Variants in NFATC3 observed in about 807,000 individuals in gnomAD.
NFATC3 encodes the protein nuclear factor of activated T-cells, cytoplasmic 3.
Under a neutral mutation model 98.6 loss-of-function variants are expected in NFATC3, and 46 were observed. That is an observed-to-expected ratio of 0.47 (90% CI 0.37 to 0.60). The LOEUF (loss-of-function observed/expected upper bound fraction) is 0.60. Ranked by LOEUF, NFATC3 falls within the 20% of genes least tolerant of loss-of-function variation. The pLI is 0.00. For missense variants in NFATC3, 1,256 were observed against 1,295.5 expected, an observed-to-expected ratio of 0.97 and a Z score of 0.47; for synonymous variants, 512 against 472.2, an observed-to-expected ratio of 1.08 and a Z score of -1.09.
At position 68,122,909 on chromosome 16, in the gene NFATC3, A is replaced by G. The variant is rs2036630699; in HGVS notation, c.1026A>G (p.Lys342=). ...VETDIPLKTR[K]TSEDQAAILP... ...CTGACATCCCTCTCAAAACAAGGAA[A>G]ACTTCTGAAGATCAAGCTGCCATAC... Residue 342 remains lysine (K), a synonymous_variant, in exon 2 of 10, where the codon AAA becomes AAG. Coordinates refer to ENST00000346183, the MANE Select transcript of NFATC3 (RefSeq NM_173165.3). 1.9e-6 allele frequency: 3 copies of G among 1,614,218 alleles called. No homozygotes were observed. Among genetic ancestry groups the G allele is most frequent in the East Asian group, 2.2e-5 (1 of 44,868 alleles).
At chr16:68,139,086 C>G (rs1798432974) in intron 3 of NFATC3, among the ~76,000 whole-genome samples, 1 of 152,102 alleles carries the variant, frequency 6.6e-6, no homozygotes, top group Admixed American at 6.5e-5. Flanking sequence ...AACTCCAGTC[C>G]TCAAGGGCCT....
At chr16:68,217,679 C>G in intron 9 of NFATC3, 1 of 1,231,476 alleles carries the variant, frequency 8.1e-7, no homozygotes, top group African/African-American at 1.6e-5. Context: ...GATCAAGATT[C>G]CTTTCAATTT....
intron 1 of NFATC3, among the ~76,000 whole-genome samples, chr16:68,109,055 A>G (rs1183554989): frequency 1.3e-5 from 2 of 152,058 alleles, no homozygotes; most frequent in Non-Finnish European, 2.9e-5. Context: ...CTATGCGAAT[A>G]CCCTGTATTT....
At chr16:68,163,909 C>T (rs2039046665) in intron 4 of NFATC3, among the ~76,000 whole-genome samples, 1 of 151,406 alleles carries the variant, frequency 6.6e-6, no homozygotes, top group Admixed American at 6.6e-5. Flanking sequence ...ACGCTCCTCA[C>T]TTTCCAGACT....
intron 3 of NFATC3, among the ~76,000 whole-genome samples, chr16:68,145,939 G>A (rs1206589259): frequency 6.6e-6 from 1 of 152,094 alleles, no homozygotes; most frequent in East Asian, 1.9e-4. Flanking sequence ...AATATTGTGG[G>A]TATATGTACT....
At chr16:68,152,091 A>C (rs2038359504) in intron 3 of NFATC3, among the ~76,000 whole-genome samples, 1 of 150,768 alleles carries the variant, frequency 6.6e-6, no homozygotes, top group African/African-American at 2.4e-5. Flanking sequence ...GGCTGGGTGC[A>C]GTGGCTCACG....
At chr16:68,123,252 A>AT in intron 2 of NFATC3, 131 bp downstream of exon 2, 2 of 870,182 alleles carry the variant, frequency 2.3e-6, no homozygotes, top group Non-Finnish European at 3.2e-6. Flanking sequence ...TTTAAAAAAA[A>AT]TTTTACCAAA....
chr16:68,118,611 G>A (rs1468105582), intron 1 of NFATC3, among the ~76,000 whole-genome samples: 2 of 151,810 alleles, frequency 1.3e-5, no homozygotes, highest in African/African-American at 4.8e-5. Context: ...TTCTCTATTT[G>A]TACTAATTTC....
chr16:68,136,254 C>G (rs886706421), intron 3 of NFATC3, among the ~76,000 whole-genome samples: 38 of 151,806 alleles, frequency 2.5e-4, no homozygotes, highest in Non-Finnish European at 2.9e-5. Flanking sequence ...AAATGTTTTC[C>G]CAGAGTTTAC....
intron 1 of NFATC3, among the ~76,000 whole-genome samples, chr16:68,091,332 T>C (rs533394301): frequency 6.6e-6 from 1 of 152,344 alleles, no homozygotes; most frequent in East Asian, 1.9e-4. Context: ...AATAATGACT[T>C]GCCTTTCTTT....
chr16:68,129,699 C>A (rs4640173), intron 3 of NFATC3, among the ~76,000 whole-genome samples: 28,836 of 135,328 alleles, frequency 0.21, 3,303 homozygotes, highest in African/African-American at 0.31. Context: ...TTTTTAAGAG[C>A]TAGGCTCTTG....
At chr16:68,220,421 A>G (rs2041814364) in intron 9 of NFATC3, among the ~76,000 whole-genome samples, 1 of 152,100 alleles carries the variant, frequency 6.6e-6, no homozygotes, top group Non-Finnish European at 1.5e-5. Context: ...AGACCACACC[A>G]CTGCACTCTA....
intron 3 of NFATC3, among the ~76,000 whole-genome samples, chr16:68,140,023 G>C (rs1385985823): frequency 6.6e-6 from 1 of 152,052 alleles, no homozygotes; most frequent in Non-Finnish European, 1.5e-5. Flanking sequence ...TTGAGACAGA[G>C]TCTCATTCTG....
intron 4 of NFATC3, among the ~76,000 whole-genome samples, chr16:68,160,476 C>CA (rs1191248307): frequency 3.3e-5 from 5 of 151,482 alleles, no homozygotes; most frequent in Admixed American, 1.3e-4. Flanking sequence ...AAACAAAAAA[C>CA]AAAAAACCTT....
At chr16:68,202,890 G>C (rs974206205) in intron 9 of NFATC3, among the ~76,000 whole-genome samples, 1 of 152,138 alleles carries the variant, frequency 6.6e-6, no homozygotes, top group Non-Finnish European at 1.5e-5. Flanking sequence ...TGGTGAGAAT[G>C]TGTCATCTAT....
intron 1 of NFATC3, chr16:68,089,162 T>G: frequency 1.0e-6 from 1 of 985,456 alleles, no homozygotes; most frequent in Non-Finnish European, 1.2e-6. Flanking sequence ...GTATCACAAC[T>G]AAATTTCCAT....
intron 3 of NFATC3, among the ~76,000 whole-genome samples, chr16:68,137,700 G>A (rs1598426647): frequency 6.7e-6 from 1 of 149,058 alleles, no homozygotes; most frequent in East Asian, 2.0e-4. Flanking sequence ...TGCAAGCTCC[G>A]CCTCCTGGGT....
intron 5 of NFATC3, among the ~76,000 whole-genome samples, chr16:68,169,315 C>G (rs2039353661): frequency 1.3e-5 from 2 of 152,076 alleles, no homozygotes; most frequent in South Asian, 4.1e-4. Flanking sequence ...TTTGCCCAGG[C>G]TGGAGTGCAA....
At chr16:68,224,072 C>A (rs2041958838) in intron 9 of NFATC3, among the ~76,000 whole-genome samples, 1 of 150,204 alleles carries the variant, frequency 6.7e-6, no homozygotes, top group Non-Finnish European at 1.5e-5. Context: ...TGGTGAAACC[C>A]CGTCTCTACT....
Sources: allele counts gnomAD v4.1 joint callset (sites outside exome capture counted in the v4.1 genomes callset), GRCh38; gene constraint gnomAD v4.1.1; transcripts MANE v1.5; gene names NCBI Gene and HGNC (gene_info 2026-07-23, HGNC 2026-07-21).